Variants in AEN observed in about 807,000 individuals in gnomAD.
The protein encoded by AEN is apoptosis enhancing nuclease, also known as apoptosis-enhancing nuclease.
In AEN, 21 loss-of-function variants were observed where a neutral mutation model predicts 17.7. That is an observed-to-expected ratio of 1.19 (90% confidence interval 0.84 to 1.71). AEN has a LOEUF of 1.71. AEN is among the 40% of genes most tolerant of loss of function. The pLI, the probability that AEN is intolerant of heterozygous loss-of-function variation, is 0.00. For synonymous variants in AEN, 190 were observed against 173.0 expected, an observed-to-expected ratio of 1.10 and a Z score of -0.77; for missense variants, 462 against 435.9, an observed-to-expected ratio of 1.06 and a Z score of -0.53.
In AEN at chr15:88,626,355, A is replaced by G. The variant is rs1394043939; in HGVS notation, c.146A>G (p.Glu49Gly). ...RFMARKALLQ[E>G]QGLLSMPPEP... The stretch of plus-strand genomic sequence containing the variant: ...ATGGCCCGGAAGGCCTTGCTGCAGG[A>G]GCAGGGGCTGCTGAGCATGCCTCCA... The change falls in exon 2 of 4, where the codon GAG (glutamate) becomes GGG (glycine). Residue 49 changes from glutamate (E) to glycine (G), a missense_variant. Physicochemically the swap from Glu to Gly is moderately conservative, Grantham distance 98 (BLOSUM62 -2). Transcript: ENST00000332810. The G allele has an allele frequency of 2.5e-6, 4 of 1,613,180 alleles. No homozygotes were observed. Among genetic ancestry groups the G allele is most frequent in the Non-Finnish European group, 3.4e-6 (4 of 1,179,824 alleles).
the AEN span, chr15:88,605,173 G>C: frequency 6.6e-6 from 1 of 152,390 alleles, no homozygotes; most frequent in Non-Finnish European, 1.5e-5. This position sits in a 1 kb window ranked among gnomAD's most constrained non-coding sequence, Gnocchi z 7.6. Flanking sequence ...GCTCCTACGG[G>C]ATGCTGGGCA....
the AEN span, among the ~76,000 whole-genome samples, chr15:88,611,210 A>AT: frequency 2.6e-5 from 4 of 152,096 alleles, no homozygotes; most frequent in African/African-American, 9.7e-5. Context: ...TCTCTTCTGC[A>AT]TGGTGGTTCA....
At chr15:88,625,971 C>T (rs2057845780) in intron 1 of AEN, among the ~76,000 whole-genome samples, 175 bp from the exon 2 acceptor site, 1 of 150,978 alleles carries the variant, frequency 6.6e-6, no homozygotes, top group Admixed American at 6.7e-5. Context: ...CCTGTGTTTA[C>T]AGTATGAATG....
At chr15:88,629,940 T>G in intron 3 of AEN, 118 bp from the exon 4 acceptor site, 2 of 907,518 alleles carry the variant, frequency 2.2e-6, no homozygotes, top group South Asian at 3.0e-5. Flanking sequence ...GAACCTCCAT[T>G]CTGAGCATAC....
chr15:88,629,804 T>C (rs16942120), intron 3 of AEN, among the ~76,000 whole-genome samples: 12,153 of 152,208 alleles, frequency 0.08, 571 homozygotes, highest in African/African-American at 0.12. Flanking sequence ...GCTTCACATT[T>C]ATTATTCATC....
the AEN span, among the ~76,000 whole-genome samples, chr15:88,611,515 G>A: frequency 6.6e-6 from 1 of 151,086 alleles, no homozygotes; most frequent in African/African-American, 2.4e-5. Flanking sequence ...TTGAACACTC[G>A]AGTCTGGAAG....
At chr15:88,621,852 C>G (rs2057792323) in intron 1 of AEN, 1 of 152,262 alleles carries the variant, frequency 6.6e-6, no homozygotes, top group East Asian at 1.9e-4. Context: ...AGGGGTCGTC[C>G]GCGCTCTTTT....
the AEN span, among the ~76,000 whole-genome samples, chr15:88,606,191 C>T: frequency 2.6e-5 from 4 of 152,148 alleles, no homozygotes; most frequent in Non-Finnish European, 5.9e-5. Flanking sequence ...ACATTTAAAT[C>T]CTGCGCTCCC....
Position 88,630,448 on chromosome 15 carries a change from A to G in AEN, c.*154A>G. 1.5e-6 allele frequency: 1 copy of G among 656,206 alleles called. No homozygotes were observed. The highest frequency in any genetic ancestry group is 2.7e-6 in the Non-Finnish European group (1 of 374,708). The allele number at this position is 656,206 out of a possible 1,614,324, so 40.6% of individuals were successfully genotyped here. A position where few individuals can be genotyped will look rare whatever the true frequency, so the allele number is the denominator to read the frequency against. ...AGTAGGGGTCATCTGTTACCTTGAC[A>G]CCCTCTGCACACAGCATAGCCCTCT... On this transcript the variant is annotated 3_prime_UTR_variant, in exon 4 of 4. Transcript: ENST00000332810. This position sits in a 1 kb window ranked among gnomAD's most constrained non-coding sequence, Gnocchi z 5.1.
At chr15:88,618,992 T>C (rs2141363544), upstream of AEN, among the ~76,000 whole-genome samples, 1 of 152,278 alleles carries the variant, frequency 6.6e-6, no homozygotes, top group Middle Eastern at 3.4e-3. Context: ...AGACAGGATC[T>C]TGCTATGTTG....
At chr15:88,614,369 T>G in the AEN span, among the ~76,000 whole-genome samples, 26,377 of 151,760 alleles carry the variant, frequency 0.17, 2,427 homozygotes, top group Non-Finnish European at 0.2. Flanking sequence ...CCTGGCTAAT[T>G]ACAGTATTTT....
the AEN span, among the ~76,000 whole-genome samples, chr15:88,612,367 C>A: frequency 2.0e-5 from 3 of 151,896 alleles, no homozygotes; most frequent in Non-Finnish European, 4.4e-5. Context: ...GGGGGACACA[C>A]CTGACCTCGG....
At chr15:88,610,240 G>A in the AEN span, among the ~76,000 whole-genome samples, 1 of 151,648 alleles carries the variant, frequency 6.6e-6, no homozygotes, top group African/African-American at 2.4e-5. Context: ...TCAGGTCCTT[G>A]TCTCTAAAAC....
the AEN span, among the ~76,000 whole-genome samples, chr15:88,608,575 G>A: frequency 3.9e-5 from 6 of 152,336 alleles, no homozygotes; most frequent in East Asian, 5.8e-4. Context: ...GCTAGAAGTC[G>A]GAAGAACTGC....
rs755926141 is a variant in AEN, at chr15:88,626,565, G to A, written c.356G>A (p.Gly119Asp). 8 of 1,614,172 alleles carry A rather than the reference G, an allele frequency of 5.0e-6. 1 individual carries two copies. In the South Asian group the frequency reaches 8.8e-5, roughly 18 times the overall value. Residue 119 changes from glycine (G) to aspartate (D), a missense_variant, in exon 2 of 4, where the codon GGC (glycine) becomes GAC (aspartate). Physicochemically the swap from Gly to Asp is moderately conservative, Grantham distance 94. Coordinates refer to ENST00000332810, the MANE Select transcript of AEN (RefSeq NM_022767.4). Reference protein sequence around the residue: ...KCVAIDCEMVGTGPRGRVSEL... With the variant: ...KCVAIDCEMVDTGPRGRVSEL... ...GTGGCTATCGACTGTGAGATGGTGG[G>A]CACGGGACCCCGAGGGCGGGTAAGC... is the stretch of plus-strand genomic sequence containing the variant.
chr15:88,630,923 C>T lies in AEN; in HGVS notation c.*629C>T, dbSNP rs1377098495. The T allele has an allele frequency of 6.3e-6, 2 of 315,540 alleles. No individual in the cohort carries two copies. 19.5% of individuals were successfully genotyped at this position (315,540 alleles called of 1,614,324 possible). On this transcript the variant is annotated 3_prime_UTR_variant, in exon 4 of 4. Transcript: ENST00000332810. The surrounding 1 kb of genome is among the most constrained non-coding windows in gnomAD (Gnocchi z 5.1). The stretch of plus-strand genomic sequence containing the variant: ...TGTAGGAACTCCGTGCCTGGCCTGT[C>T]AGCTCCCTGCTAGGCTACAGTGGAA...
the AEN span, among the ~76,000 whole-genome samples, chr15:88,609,672 T>C: frequency 6.6e-6 from 1 of 152,194 alleles, no homozygotes; most frequent in Non-Finnish European, 1.5e-5. Flanking sequence ...CAAAATATAT[T>C]TCTTTGAGAC....
At chr15:88,611,157 G>A in the AEN span, among the ~76,000 whole-genome samples, 1 of 152,206 alleles carries the variant, frequency 6.6e-6, no homozygotes. Flanking sequence ...TCCAGAAGGG[G>A]GAGGCACCAG....
At chr15:88,616,686 C>T (rs1336236713), upstream of AEN, among the ~76,000 whole-genome samples, 1 of 152,214 alleles carries the variant, frequency 6.6e-6, no homozygotes, top group Admixed American at 6.5e-5. Flanking sequence ...CTCAATTTAA[C>T]ATTTTTCAAC....
Sources: gnomAD v4.1 joint callset for allele counts (sites outside exome capture counted in the v4.1 genomes callset) on GRCh38, gnomAD v4.1.1 for gene constraint, Gnocchi (gnomAD v3.1) non-coding constraint, MANE v1.5 for transcripts, NCBI Gene and HGNC (gene_info 2026-07-23, HGNC 2026-07-21) for gene names.